Variants in GSDMC observed in about 807,000 individuals in gnomAD.
The protein encoded by GSDMC is gasdermin-C.
GSDMC carries 59 observed loss-of-function variants against 58.0 expected under a neutral mutation model. The ratio of observed to expected loss-of-function variants is 1.02; its 90% confidence interval spans 0.82 to 1.26. The LOEUF (loss-of-function observed/expected upper bound fraction) is 1.26. Among genes scored for constraint, GSDMC ranks in the 50% most tolerant of loss-of-function variants. The pLI, the probability that GSDMC is intolerant of heterozygous loss-of-function variation, is 0.00. For missense variants in GSDMC, 659 were observed against 598.5 expected (o/e 1.10, Z -1.06); for synonymous variants, 241 against 220.2 (o/e 1.09, Z -0.83).
the GSDMC span, among the ~76,000 whole-genome samples, chr8:129,734,007 G>A: frequency 6.6e-6 from 1 of 152,166 alleles, no homozygotes; most frequent in Non-Finnish European, 1.5e-5. Context: ...GAAAACCATG[G>A]CATGAGAACT....
At chr8:129,714,178 C>A in the GSDMC span, among the ~76,000 whole-genome samples, 1 of 152,130 alleles carries the variant, frequency 6.6e-6, no homozygotes, top group African/African-American at 2.4e-5. Context: ...CTTACCCGAG[C>A]TTTCACCCAT....
At chr8:129,768,132 C>A (rs892296049) in intron 3 of GSDMC, among the ~76,000 whole-genome samples, 1 of 152,168 alleles carries the variant, frequency 6.6e-6, no homozygotes, top group Non-Finnish European at 1.5e-5. Flanking sequence ...CCTCAGAGTA[C>A]GGGCAGTGGC....
rs539453849 is a variant in GSDMC at position 129,777,603 on chromosome 8, T to C, written c.-4-12A>G. On this transcript the variant is annotated splice_polypyrimidine_tract_variant and intron_variant, in intron 1 of 13. Coordinates refer to ENST00000276708, the MANE Select transcript of GSDMC (RefSeq NM_031415.3). ...TGGAGGGCATGTTGCTAGGAGGAGATGAAAGGAGAGCATCAGTTGGGAGAG... is the reference window on the plus strand; with the variant it reads ...TGGAGGGCATGTTGCTAGGAGGAGACGAAAGGAGAGCATCAGTTGGGAGAG... The C allele has an allele frequency of 4.3e-6, 6 of 1,398,044 alleles. No individual in the cohort carries two copies. The South Asian group carries it at 6.9e-5, about 16-fold the overall frequency. The allele number at this position is 1,398,044 out of a possible 1,614,324, so 86.6% of individuals were successfully genotyped here.
chr8:129,750,172 T>A, intron 11 of GSDMC, 53 bp from the exon 12 acceptor site: 5 of 1,389,598 alleles, frequency 3.6e-6, no homozygotes, highest in Non-Finnish European at 4.8e-6. Flanking sequence ...AGTAATGTTA[T>A]ATAATTTGCC....
intron 6 of GSDMC, 98 bp from the exon 7 acceptor site, chr8:129,752,918 G>T: frequency 6.4e-7 from 1 of 1,568,482 alleles, no homozygotes; most frequent in South Asian, 1.2e-5. Flanking sequence ...GGCTCAATCA[G>T]TGCCAGTGCA....
chr8:129,749,320 A>C, intron 13 of GSDMC, 132 bp downstream of exon 13: 1 of 647,750 alleles, frequency 1.5e-6, no homozygotes. Flanking sequence ...AGGATTCCCC[A>C]GTGGCCACCC....
chr8:129,741,217 G>A, the GSDMC span, among the ~76,000 whole-genome samples: 1 of 151,974 alleles, frequency 6.6e-6, no homozygotes, highest in East Asian at 1.9e-4. Context: ...CTGTTGTAAT[G>A]CCAGTACCAT....
At chr8:129,733,029 G>T in the GSDMC span, among the ~76,000 whole-genome samples, 1,671 of 152,342 alleles carry the variant, frequency 0.011, 30 homozygotes, top group African/African-American at 0.038. Flanking sequence ...GGCTCAGCAG[G>T]TCCCACACCC....
chr8:129,776,583 G>A (rs1396357395), intron 2 of GSDMC, among the ~76,000 whole-genome samples: 1 of 152,148 alleles, frequency 6.6e-6, no homozygotes, highest in Non-Finnish European at 1.5e-5. Flanking sequence ...ATCCTTTCAG[G>A]CACACTGTCT....
rs1563818806 is a variant in GSDMC, at chr8:129,783,081, A to G, written c.-5+2930T>C. Among the ~76,000 whole-genome samples, 4 of 152,314 alleles carry G rather than the reference A, an allele frequency of 2.6e-5. No individual in the cohort carries two copies. In the South Asian group the frequency reaches 8.3e-4, roughly 32 times the overall value. ...CACAAATCAATCAATGTGATACATT[A>G]TAGCAAGAAAATGAAAGACAAAAAC... On this transcript the variant is annotated intron_variant, in intron 1 of 13. Coordinates refer to ENST00000276708, the MANE Select transcript of GSDMC (RefSeq NM_031415.3).
At chr8:129,753,475 G>T (rs1379224463) in intron 6 of GSDMC, among the ~76,000 whole-genome samples, 1 of 152,170 alleles carries the variant, frequency 6.6e-6, no homozygotes, top group Non-Finnish European at 1.5e-5. Context: ...GAACCATTGG[G>T]CCCTAAATAA....
At chr8:129,710,134 G>T in the GSDMC span, among the ~76,000 whole-genome samples, 1 of 152,046 alleles carries the variant, frequency 6.6e-6, no homozygotes, top group Admixed American at 6.5e-5. Context: ...TTTTTTCTGG[G>T]TGCTTTGCAA....
At chr8:129,735,331 A>T in the GSDMC span, among the ~76,000 whole-genome samples, 1 of 152,184 alleles carries the variant, frequency 6.6e-6, no homozygotes, top group African/African-American at 2.4e-5. Context: ...AGAACTCTCC[A>T]CCCCAAATCA....
intron 6 of GSDMC, among the ~76,000 whole-genome samples, chr8:129,754,930 A>T (rs1000633358): frequency 1.3e-5 from 2 of 152,202 alleles, no homozygotes; most frequent in African/African-American, 2.4e-5. Flanking sequence ...AACCAAAAGA[A>T]AAAAGAATAA....
the GSDMC span, among the ~76,000 whole-genome samples, chr8:129,725,342 A>G: frequency 9.0e-4 from 137 of 152,292 alleles, no homozygotes; most frequent in African/African-American, 3.2e-3. Flanking sequence ...TTCAAATCAA[A>G]GACACACTCA....
chr8:129,716,493 C>A, the GSDMC span, among the ~76,000 whole-genome samples: 2 of 152,130 alleles, frequency 1.3e-5, no homozygotes, highest in African/African-American at 4.8e-5. Flanking sequence ...GCTGAAGTGG[C>A]TTATCAGCTT....
At chr8:129,768,152 TAG>T (rs2033930826) in intron 3 of GSDMC, among the ~76,000 whole-genome samples, 2 of 152,114 alleles carry the variant, frequency 1.3e-5, no homozygotes, top group Admixed American at 1.3e-4. Flanking sequence ...CCGCATCAAC[TAG>T]AGAGTGTGAG....
Position 129,752,161 on chromosome 8 carries a change from G to A in GSDMC, c.845-14C>T, listed in dbSNP as rs1362476529. ...TCAGAAATAGCTCTGGAAAGAGAAA[G>A]AAAAGTGTTTACTCACCAAACATTA... On this transcript the variant is annotated splice_polypyrimidine_tract_variant and intron_variant, in intron 7 of 13. Transcript: ENST00000276708. 2 of 1,609,770 alleles carry A rather than the reference G, an allele frequency of 1.2e-6. No individual in the cohort carries two copies. Among genetic ancestry groups the A allele is most frequent in the Middle Eastern group, 1.7e-4 (1 of 6,050 alleles).
At chr8:129,711,832 T>C in the GSDMC span, among the ~76,000 whole-genome samples, 1 of 152,200 alleles carries the variant, frequency 6.6e-6, no homozygotes, top group Non-Finnish European at 1.5e-5. Flanking sequence ...ATGAATGAGA[T>C]AACTGAAGAA....
Sources: gnomAD v4.1 joint callset for allele counts (sites outside exome capture counted in the v4.1 genomes callset) on GRCh38, gnomAD v4.1.1 for gene constraint, MANE v1.5 for transcripts, NCBI Gene and HGNC (gene_info 2026-07-23, HGNC 2026-07-21) for gene names.